BFSP1: variants seen among roughly 807,000 people sequenced by gnomAD.
BFSP1 encodes the protein beaded filament structural protein 1.
Under a neutral mutation model 43.9 loss-of-function variants are expected in BFSP1, and 38 were observed. That is an observed-to-expected ratio of 0.87 (90% confidence interval 0.67 to 1.14). The LOEUF is 1.14. Among genes scored for constraint, BFSP1 ranks in the 50% most tolerant of loss-of-function variants. The probability of loss-of-function intolerance (pLI) is 0.00; values close to 1 mark genes in which losing one functional copy is unlikely to be tolerated. For missense variants in BFSP1, 850 were observed against 875.1 expected (o/e 0.97, Z 0.36); for synonymous variants, 352 against 354.8 (o/e 0.99, Z 0.09).
chr20:17,520,164 G>A (rs1309605903), intron 2 of BFSP1, among the ~76,000 whole-genome samples: 1 of 151,980 alleles, frequency 6.6e-6, no homozygotes, highest in East Asian at 1.9e-4. Flanking sequence ...AGACCTACTG[G>A]CTTAGAATTT....
rs555291341 is a variant in BFSP1, at chr20:17,525,802, A to G, written c.378-894T>C. 1.5e-4 allele frequency among the ~76,000 whole-genome samples: 23 copies of G among 152,316 alleles called. No individual in the cohort carries two copies. Among genetic ancestry groups the G allele is most frequent in the African/African-American group, 5.5e-4 (23 of 41,574 alleles). ...CACAGGACTGCCTAGAAGGGAGACT[A>G]CATTTTCCAGCATTCCTTGCAGCCA... is the stretch of plus-strand genomic sequence containing the variant. On this transcript the variant is annotated intron_variant, in intron 1 of 7. Transcript: ENST00000377873. The surrounding 1 kb of genome is among the most constrained non-coding windows in gnomAD (Gnocchi z 4.2).
chr20:17,542,009 C>T (rs893814391), intron 1 of BFSP1, among the ~76,000 whole-genome samples: 6 of 152,106 alleles, frequency 3.9e-5, no homozygotes, highest in African/African-American at 7.2e-5. Context: ...TGCCACTTTG[C>T]GAGGGTTTGC....
At chr20:17,555,919 T>C (rs926889837) in intron 1 of BFSP1, among the ~76,000 whole-genome samples, 11 of 152,124 alleles carry the variant, frequency 7.2e-5, no homozygotes, top group Non-Finnish European at 5.9e-5. Context: ...ATTTAAAATA[T>C]ACAATAGAGC....
intron 1 of BFSP1, among the ~76,000 whole-genome samples, chr20:17,526,141 C>CGGGGGGG (rs55674499): frequency 5.3e-5 from 1 of 18,850 alleles, no homozygotes; most frequent in Non-Finnish European, 1.0e-4. Flanking sequence ...TTCTGTATGG[C>CGGGGGGG]GGGGGGGGGG....
intron 1 of BFSP1, among the ~76,000 whole-genome samples, chr20:17,553,068 C>T (rs1022956782): frequency 2.1e-4 from 32 of 152,004 alleles, no homozygotes; most frequent in Non-Finnish European, 3.7e-4. Flanking sequence ...TGGAGATCAG[C>T]GGTTAGGAGA....
intron 5 of BFSP1, among the ~76,000 whole-genome samples, chr20:17,499,428 GT>G (rs779508017): frequency 6.9e-5 from 7 of 100,886 alleles, no homozygotes; most frequent in Non-Finnish European, 1.4e-4. Context: ...TTTTTTTTTG[GT>G]AGTGATAGGG....
upstream of BFSP1, among the ~76,000 whole-genome samples, chr20:17,534,688 G>T (rs995186496): frequency 6.6e-6 from 1 of 152,190 alleles, no homozygotes; most frequent in African/African-American, 2.4e-5. Flanking sequence ...CTATGAAAAT[G>T]TTCCAGATTA....
At chr20:17,498,669 C>G (rs2033714082) in intron 6 of BFSP1, 151 bp downstream of exon 6, 1 of 908,610 alleles carries the variant, frequency 1.1e-6, no homozygotes, top group Admixed American at 2.4e-5. Flanking sequence ...GTCTCCCCTA[C>G]TAGTTATCCA....
chr20:17,563,752 G>GGT (rs905422236), upstream of BFSP1, among the ~76,000 whole-genome samples: 5 of 151,958 alleles, frequency 3.3e-5, no homozygotes, highest in African/African-American at 1.2e-4. Flanking sequence ...TGGGGGCAGT[G>GGT]GTGTGCACCT....
chr20:17,566,360 G>A (rs1170997765), intron 1 of BFSP1, among the ~76,000 whole-genome samples: 2 of 152,078 alleles, frequency 1.3e-5, no homozygotes, highest in Non-Finnish European at 2.9e-5. Flanking sequence ...AAATTCAAGT[G>A]CCTATATGTT....
At chr20:17,552,043 T>C (rs1438170456) in intron 1 of BFSP1, among the ~76,000 whole-genome samples, 1 of 152,108 alleles carries the variant, frequency 6.6e-6, no homozygotes, top group Non-Finnish European at 1.5e-5. Flanking sequence ...GTGGAGCTTA[T>C]ATTCAATTGG....
intron 1 of BFSP1, among the ~76,000 whole-genome samples, chr20:17,568,782 A>C (rs981519926): frequency 1.6e-4 from 24 of 152,028 alleles, no homozygotes; most frequent in African/African-American, 5.1e-4. Flanking sequence ...GCCACATACA[A>C]CCTAGATTTT....
intron 1 of BFSP1, among the ~76,000 whole-genome samples, chr20:17,568,155 G>C (rs556587202): frequency 1.3e-5 from 2 of 152,176 alleles, no homozygotes; most frequent in African/African-American, 4.8e-5. Context: ...ATGGGAGATA[G>C]GGCAGAAAAA....
intron 7 of BFSP1, among the ~76,000 whole-genome samples, chr20:17,496,366 C>T (rs1023128212): frequency 6.6e-6 from 1 of 152,196 alleles, no homozygotes; most frequent in African/African-American, 2.4e-5. Context: ...TGGGAGATTT[C>T]GATGTGAGGT....
intron 3 of BFSP1, among the ~76,000 whole-genome samples, chr20:17,513,921 G>A (rs759769680): frequency 3.3e-5 from 5 of 152,224 alleles, no homozygotes; most frequent in African/African-American, 4.8e-5. Flanking sequence ...GCGAGAGGGA[G>A]CTGGTGTGTT....
intron 3 of BFSP1, among the ~76,000 whole-genome samples, chr20:17,513,872 G>C (rs2034141817): frequency 6.6e-6 from 1 of 152,246 alleles, no homozygotes. Context: ...ATCTCTGGGT[G>C]CCAATGCAGA....
intron 2 of BFSP1, among the ~76,000 whole-genome samples, chr20:17,518,071 G>A (rs2123501606): frequency 6.6e-6 from 1 of 152,250 alleles, no homozygotes; most frequent in African/African-American, 2.4e-5. Context: ...CCTGGCACCG[G>A]GCTCCTGCTG....
intron 1 of BFSP1, among the ~76,000 whole-genome samples, chr20:17,529,199 G>A (rs1282827854): frequency 6.6e-6 from 1 of 151,782 alleles, no homozygotes; most frequent in Non-Finnish European, 1.5e-5. Context: ...CAGCCTCCCG[G>A]GTAGCTGGAA....
intron 1 of BFSP1, among the ~76,000 whole-genome samples, chr20:17,539,768 A>G (rs750291537): frequency 6.6e-5 from 10 of 152,084 alleles, no homozygotes; most frequent in Non-Finnish European, 1.5e-4. Flanking sequence ...TCTATCTCAA[A>G]AAAAAAGACA....
Sources: allele counts gnomAD v4.1 joint callset (sites outside exome capture counted in the v4.1 genomes callset), GRCh38; gene constraint gnomAD v4.1.1; non-coding constraint Gnocchi (gnomAD v3.1); transcripts MANE v1.5; gene names NCBI Gene and HGNC (gene_info 2026-07-23, HGNC 2026-07-21).